Variants in NECTIN1 observed in about 807,000 individuals in gnomAD.
NECTIN1 encodes nectin cell adhesion molecule 1, also known as nectin-1.
NECTIN1 carries 23 observed loss-of-function variants against 48.0 expected under a neutral mutation model. The observed-to-expected ratio is 0.48, with a 90% CI of 0.34 to 0.68. NECTIN1 has a LOEUF of 0.68. Ranked by LOEUF, NECTIN1 falls within the 30% of genes least tolerant of loss-of-function variation. NECTIN1 has a pLI of 0.01. For synonymous variants in NECTIN1, 270 were observed against 288.9 expected (o/e 0.93, Z 0.66); for missense variants, 591 against 709.9 (o/e 0.83, Z 1.90).
Position 119,661,589 on chromosome 11 carries a change from C to T in NECTIN1, c.*3158G>A. 1.0e-6 allele frequency: 1 copy of T among 985,852 alleles called. No homozygotes were observed. The highest frequency in any genetic ancestry group is 4.7e-5 in the South Asian group (1 of 21,286). 61.1% of individuals were successfully genotyped at this position (985,852 alleles called of 1,614,324 possible). On this transcript the variant is annotated 3_prime_UTR_variant, in exon 6 of 6. Coordinates refer to ENST00000264025, the MANE Select transcript of NECTIN1 (RefSeq NM_002855.5). ...GTCTGCTTGGCTCAGCAGAGCTGCC[C>T]ACACCCACCTAACACAATTCCCAAT...
intron 5 of NECTIN1, among the ~76,000 whole-genome samples, chr11:119,648,295 G>GTGGTGATGC (rs1864432420): frequency 2.1e-4 from 2 of 9,654 alleles, no homozygotes; most frequent in Admixed American, 1.6e-3. Context: ...GGTGATGGTG[G>GTGGTGATGC]TGGTGGTGGT....
intron 1 of NECTIN1, among the ~76,000 whole-genome samples, chr11:119,701,380 T>G (rs1865448929): frequency 6.6e-6 from 1 of 152,176 alleles, no homozygotes. Context: ...AGGTGGGCAC[T>G]GACTCTGTTT....
chr11:119,693,022 C>T (rs762564460), intron 1 of NECTIN1, among the ~76,000 whole-genome samples: 4 of 152,192 alleles, frequency 2.6e-5, no homozygotes, highest in Non-Finnish European at 4.4e-5. Flanking sequence ...ACTCCTCCTT[C>T]GTTCTGCGGG....
chr11:119,693,012 ACTC>A (rs1865286475), intron 1 of NECTIN1, among the ~76,000 whole-genome samples: 1 of 151,574 alleles, frequency 6.6e-6, no homozygotes, highest in Non-Finnish European at 1.5e-5. Flanking sequence ...CACCCCTGCC[ACTC>A]CTCCTTCGTT....
In NECTIN1 at chr11:119,728,890, C is replaced by G. The variant is rs1374129039; in HGVS notation, c.-337G>C. ...GGAGAGGGACCCACCCCCGGCGCGC[C>G]CGGCTGCCCGGTTGCGCGGCGCGGG... On this transcript the variant is annotated 5_prime_UTR_variant, in exon 1 of 6. Transcript: ENST00000264025. 1 of 231,666 alleles carries G rather than the reference C, an allele frequency of 4.3e-6. No individual in the cohort carries two copies. Among genetic ancestry groups the G allele is most frequent in the Non-Finnish European group, 8.3e-6 (1 of 120,040 alleles). The allele number at this position is 231,666 out of a possible 1,614,324, so 14.4% of individuals were successfully genotyped here. A position where few individuals can be genotyped will look rare whatever the true frequency, so the allele number is the denominator to read the frequency against.
chr11:119,701,331 A>G (rs1317413626), intron 1 of NECTIN1, among the ~76,000 whole-genome samples: 1 of 152,206 alleles, frequency 6.6e-6, no homozygotes, highest in Non-Finnish European at 1.5e-5. Flanking sequence ...TTCTCTGAGC[A>G]GTGCTTGTCG....
intron 1 of NECTIN1, among the ~76,000 whole-genome samples, chr11:119,710,552 G>T (rs769068411): frequency 1.3e-5 from 2 of 152,184 alleles, no homozygotes; most frequent in Non-Finnish European, 2.9e-5. Context: ...AGGAAGAAAT[G>T]ATGAATGTGG....
At chr11:119,700,497 T>A (rs1046854124) in intron 1 of NECTIN1, among the ~76,000 whole-genome samples, 3 of 152,148 alleles carry the variant, frequency 2.0e-5, no homozygotes, top group Admixed American at 2.0e-4. Context: ...TTCCTTCAGG[T>A]TCCATCTGGC....
At chr11:119,680,769 C>A (rs1865046450) in intron 1 of NECTIN1, among the ~76,000 whole-genome samples, 1 of 152,246 alleles carries the variant, frequency 6.6e-6, no homozygotes, top group Non-Finnish European at 1.5e-5. Flanking sequence ...CCCTCAAGGT[C>A]CATCAGGCCT....
At chr11:119,639,696 A>T (rs1218321842) in intron 6 of NECTIN1, 22 of 822,372 alleles carry the variant, frequency 2.7e-5, no homozygotes, top group Admixed American at 2.4e-4. Context: ...ATCACCACTC[A>T]GGAGGGTCAG....
At chr11:119,651,074 T>G (rs1864483317) in intron 5 of NECTIN1, among the ~76,000 whole-genome samples, 2 of 152,016 alleles carry the variant, frequency 1.3e-5, no homozygotes, top group Non-Finnish European at 2.9e-5. Flanking sequence ...TTTGCATGAG[T>G]TGAACTACAG....
chr11:119,708,053 T>C lies in NECTIN1; in HGVS notation c.79+20422A>G, dbSNP rs563852432. Among the ~76,000 whole-genome samples the C allele has an allele frequency of 1.1e-4, 17 of 152,296 alleles. No homozygotes were observed. In the South Asian group the frequency reaches 3.3e-3, roughly 30 times the overall value. On this transcript the variant is annotated intron_variant, in intron 1 of 5. Transcript: ENST00000264025. Reference sequence around the variant, plus strand: ...AATAATGACTGAGTGATAAACGCAGTTTTTGTTTGTTTCTGAAAAATACAA... The same window carrying C: ...AATAATGACTGAGTGATAAACGCAGCTTTTGTTTGTTTCTGAAAAATACAA...
At chr11:119,657,106 T>C (rs1017811588), downstream of NECTIN1, among the ~76,000 whole-genome samples, 1 of 152,204 alleles carries the variant, frequency 6.6e-6, no homozygotes, top group Admixed American at 6.5e-5. Context: ...CAGGTGACGA[T>C]GATGATGAAT....
chr11:119,717,016 G>C (rs75268463), intron 1 of NECTIN1, among the ~76,000 whole-genome samples: 9 of 152,374 alleles, frequency 5.9e-5, no homozygotes, highest in African/African-American at 2.2e-4. Context: ...CACAAGTGCC[G>C]AGGGGCTAGC....
At chr11:119,657,689 C>T (rs1244738215), downstream of NECTIN1, among the ~76,000 whole-genome samples, 1 of 146,760 alleles carries the variant, frequency 6.8e-6, no homozygotes, top group African/African-American at 2.5e-5. Flanking sequence ...TGCTTGAGGC[C>T]AGAAGTTTGA....
At position 119,678,589 on chromosome 11, in the gene NECTIN1, C is replaced by G; in HGVS notation, c.256G>C (p.Gly86Arg). The change falls in exon 2 of 6, where the codon GGC becomes CGC. Residue 86 changes from glycine to arginine, a missense_variant. Transcript: ENST00000264025. The surrounding 1 kb of genome is among the most constrained non-coding windows in gnomAD (Gnocchi z 4.4). Reference protein sequence around the residue: ...QNVAIYNPSMGVSVLAPYRER... With the variant: ...QNVAIYNPSMRVSVLAPYRER... ...CGGTAGGGAGCCAGCACGGACACGC[C>G]CATGGATGGGTTGTAGATGGCCACG... The G allele has an allele frequency of 6.2e-7, 1 of 1,614,160 alleles. No homozygotes were observed. The highest frequency in any genetic ancestry group is 8.5e-7 in the Non-Finnish European group (1 of 1,180,040).
At chr11:119,654,653 C>A (rs1184080619) in intron 5 of NECTIN1, among the ~76,000 whole-genome samples, 5 of 152,040 alleles carry the variant, frequency 3.3e-5, no homozygotes, top group African/African-American at 1.2e-4. Context: ...ATCGCTGCAA[C>A]CTCCGCCTCC....
At chr11:119,669,563 C>CAGAGGGA (rs1864833734) in intron 5 of NECTIN1, among the ~76,000 whole-genome samples, 1 of 152,234 alleles carries the variant, frequency 6.6e-6, no homozygotes, top group African/African-American at 2.4e-5. Flanking sequence ...CCTCTGTGGA[C>CAGAGGGA]TGTTTTCCAC....
rs989806282 is a variant in NECTIN1 at position 119,684,432 on chromosome 11, G to A, written c.80-5667C>T. 2.6e-5 allele frequency among the ~76,000 whole-genome samples: 4 copies of A among 152,330 alleles called. No homozygotes were observed. Among genetic ancestry groups the A allele is most frequent in the Non-Finnish European group, 4.4e-5 (3 of 68,020 alleles). On this transcript the variant is annotated intron_variant, in intron 1 of 5. Coordinates refer to ENST00000264025, the MANE Select transcript of NECTIN1 (RefSeq NM_002855.5). This position sits in a 1 kb window ranked among gnomAD's most constrained non-coding sequence, Gnocchi z 5.2. The stretch of plus-strand genomic sequence containing the variant: ...GTGTCTGAGGTGGGTGCTGGGCTCC[G>A]CCATAAGGGCCTCTGTGAAATCGAT...
Sources: allele counts gnomAD v4.1 joint callset (sites outside exome capture counted in the v4.1 genomes callset), GRCh38; gene constraint gnomAD v4.1.1; non-coding constraint Gnocchi (gnomAD v3.1); transcripts MANE v1.5; gene names NCBI Gene and HGNC (gene_info 2026-07-23, HGNC 2026-07-21).